The following ECHDC1 variants were observed in gnomAD, a reference collection of about 807,000 sequenced individuals.
ECHDC1 encodes ethylmalonyl-CoA decarboxylase.
In ECHDC1, 29 loss-of-function variants were observed where a neutral mutation model predicts 29.7. The observed-to-expected ratio is 0.98, with a 90% CI of 0.73 to 1.33. The LOEUF is 1.33. Among genes scored for constraint, ECHDC1 ranks in the 40% most tolerant of loss-of-function variants. ECHDC1 has a pLI of 0.00. For missense variants in ECHDC1, 328 were observed against 350.0 expected, an observed-to-expected ratio of 0.94 and a Z score of 0.50; for synonymous variants, 126 against 123.1, an observed-to-expected ratio of 1.02 and a Z score of -0.15.
intron 5 of ECHDC1, among the ~76,000 whole-genome samples, chr6:127,303,057 G>C (rs1042150726): frequency 5.9e-5 from 9 of 152,130 alleles, no homozygotes; most frequent in African/African-American, 2.2e-4. Flanking sequence ...AAAAAAACTA[G>C]AAAATCTCTA....
At chr6:127,327,686 T>A (rs1299139556) in intron 2 of ECHDC1, among the ~76,000 whole-genome samples, 1 of 152,198 alleles carries the variant, frequency 6.6e-6, no homozygotes, top group East Asian at 1.9e-4. Flanking sequence ...TCTTGTTCCA[T>A]GGTTAACAAA....
At chr6:127,303,874 A>G (rs1488417947) in intron 5 of ECHDC1, among the ~76,000 whole-genome samples, 3 of 152,178 alleles carry the variant, frequency 2.0e-5, no homozygotes, top group African/African-American at 7.2e-5. Context: ...TACAGCTCAG[A>G]CAAGTCAGAA....
At chr6:127,337,877 A>G (rs1363642564) in intron 1 of ECHDC1, among the ~76,000 whole-genome samples, 5 of 152,240 alleles carry the variant, frequency 3.3e-5, no homozygotes, top group Non-Finnish European at 7.3e-5. Context: ...AATAGGAAAT[A>G]TACCAAAATA....
intron 2 of ECHDC1, among the ~76,000 whole-genome samples, chr6:127,330,202 A>G (rs1393150846): frequency 6.6e-6 from 1 of 152,232 alleles, no homozygotes; most frequent in Non-Finnish European, 1.5e-5. Flanking sequence ...ATTACAAAGT[A>G]CCACATGTCC....
intron 1 of ECHDC1, among the ~76,000 whole-genome samples, chr6:127,331,290 C>T (rs1783920458): frequency 6.6e-6 from 1 of 151,954 alleles, no homozygotes; most frequent in African/African-American, 2.4e-5. Context: ...AGACTACAGG[C>T]ACCCATGACC....
intron 3 of ECHDC1, among the ~76,000 whole-genome samples, chr6:127,321,520 GTTC>G (rs1782823056): frequency 6.6e-6 from 1 of 152,130 alleles, no homozygotes; most frequent in Non-Finnish European, 1.5e-5. Context: ...ACTATTTCTA[GTTC>G]TTGTTAATTT....
chr6:127,304,422 A>G (rs1216629337), intron 5 of ECHDC1, among the ~76,000 whole-genome samples: 1 of 152,172 alleles, frequency 6.6e-6, no homozygotes, highest in Non-Finnish European at 1.5e-5. Flanking sequence ...CCTTTCCAAG[A>G]AGGACCACTA....
At chr6:127,320,972 G>T (rs974374965) in intron 3 of ECHDC1, among the ~76,000 whole-genome samples, 3 of 152,120 alleles carry the variant, frequency 2.0e-5, no homozygotes, top group African/African-American at 4.8e-5. Flanking sequence ...ATGGGTACAT[G>T]AGGGTTTCAC....
chr6:127,320,294 G>C (rs552382215), intron 3 of ECHDC1, among the ~76,000 whole-genome samples: 8 of 152,306 alleles, frequency 5.3e-5, no homozygotes, highest in Admixed American at 2.0e-4. Context: ...TGGGATTACA[G>C]GTGTGAGCTA....
chr6:127,323,627 G>A (rs978561980), intron 3 of ECHDC1, among the ~76,000 whole-genome samples: 18 of 152,226 alleles, frequency 1.2e-4, no homozygotes, highest in African/African-American at 4.3e-4. Flanking sequence ...TAGCCAGAAA[G>A]TATTGAAACC....
chr6:127,324,582 C>T (rs925504003), intron 3 of ECHDC1, among the ~76,000 whole-genome samples: 3 of 152,136 alleles, frequency 2.0e-5, no homozygotes, highest in Non-Finnish European at 4.4e-5. Flanking sequence ...TATCACCATC[C>T]TCTACCATTT....
chr6:127,301,908 G>A (rs1781082141), intron 5 of ECHDC1, among the ~76,000 whole-genome samples: 1 of 152,186 alleles, frequency 6.6e-6, no homozygotes, highest in Non-Finnish European at 1.5e-5. Flanking sequence ...GCTGTGCCTA[G>A]CACATGTGGG....
intron 1 of ECHDC1, among the ~76,000 whole-genome samples, chr6:127,333,384 C>T (rs1784136619): frequency 4.6e-5 from 7 of 152,002 alleles, no homozygotes; most frequent in Admixed American, 4.6e-4. Context: ...TATAAATATA[C>T]CACAATTTAT....
chr6:127,290,097 G>T lies in ECHDC1; in HGVS notation c.678C>A (p.Val226=). 6.2e-7 allele frequency: 1 copy of T among 1,613,648 alleles called. No individual in the cohort carries two copies. Among genetic ancestry groups the T allele is most frequent in the Non-Finnish European group, 8.5e-7 (1 of 1,179,722 alleles). ...ATTTAGTTTCATCTGAAGACTGCAA[G>T]ACCTCTTCAACCATTCCTATGTTTA... ...NALNIGMVEE[V]LQSSDETKSL... The change falls in exon 6 of 6, where the codon GTC becomes GTA. Residue 226 remains valine, a synonymous_variant. Coordinates refer to ENST00000454859, the MANE Select transcript of ECHDC1 (RefSeq NM_001002030.2).
At chr6:127,300,432 T>C (rs190996395) in intron 5 of ECHDC1, among the ~76,000 whole-genome samples, 111 of 152,288 alleles carry the variant, frequency 7.3e-4, no homozygotes, top group Non-Finnish European at 1.4e-3. Flanking sequence ...ATAGGAAAAT[T>C]ATCCTGGATT....
At chr6:127,293,276 CA>C (rs891661807) in intron 5 of ECHDC1, among the ~76,000 whole-genome samples, 12 of 151,828 alleles carry the variant, frequency 7.9e-5, no homozygotes, top group Non-Finnish European at 1.2e-4. Flanking sequence ...GGAAAAGTTG[CA>C]AAAAAACAGC....
chr6:127,343,056 C>T (rs530304295), intron 1 of ECHDC1: 19 of 152,370 alleles, frequency 1.2e-4, no homozygotes, highest in African/African-American at 4.6e-4. Flanking sequence ...CTCGCGACCT[C>T]GCGGCGCGCT....
At chr6:127,341,465 G>T (rs575348049) in intron 1 of ECHDC1, 6 of 151,984 alleles carry the variant, frequency 3.9e-5, no homozygotes, top group South Asian at 2.1e-4. Context: ...TAAACGATTG[G>T]TTTTTTTTGG....
At chr6:127,342,516 G>T in intron 1 of ECHDC1, 1 of 707,382 alleles carries the variant, frequency 1.4e-6, no homozygotes, top group Non-Finnish European at 2.2e-6. Context: ...CCCTCCCCTC[G>T]TAGATTTCAC....
Sources: allele counts gnomAD v4.1 joint callset (sites outside exome capture counted in the v4.1 genomes callset), GRCh38; gene constraint gnomAD v4.1.1; transcripts MANE v1.5; gene names NCBI Gene and HGNC (gene_info 2026-07-23, HGNC 2026-07-21).